Variants in ME1 observed in about 807,000 individuals in gnomAD.
The protein encoded by ME1 is malic enzyme 1.
A neutral mutation model predicts 66.4 loss-of-function variants in ME1; 74 were observed. That is an observed-to-expected ratio of 1.11 (90% CI 0.92 to 1.35). ME1 has a LOEUF of 1.35. ME1 is among the 40% of genes most tolerant of loss of function. The pLI, the probability that ME1 is intolerant of heterozygous loss-of-function variation, is 0.00. For synonymous variants in ME1, 251 were observed against 235.6 expected, an observed-to-expected ratio of 1.07 and a Z score of -0.60; for missense variants, 750 against 694.1, an observed-to-expected ratio of 1.08 and a Z score of -0.90.
intron 2 of ME1, among the ~76,000 whole-genome samples, chr6:83,400,085 A>G (rs956894137): frequency 6.6e-6 from 1 of 151,946 alleles, no homozygotes; most frequent in Admixed American, 6.6e-5. Context: ...TTTTCCTCCT[A>G]TCTCTCTGGT....
chr6:83,341,007 C>T (rs1768569571), intron 5 of ME1, among the ~76,000 whole-genome samples: 1 of 151,926 alleles, frequency 6.6e-6, no homozygotes, highest in Non-Finnish European at 1.5e-5. Context: ...AGCTTAGCGA[C>T]CATAACTGAG....
At chr6:83,225,426 G>C (rs541152165) in intron 11 of ME1, among the ~76,000 whole-genome samples, 2 of 152,042 alleles carry the variant, frequency 1.3e-5, no homozygotes, top group Non-Finnish European at 2.9e-5. Context: ...CCAAGGCATA[G>C]TTTAAACGAT....
In ME1 at chr6:83,239,549, C is replaced by T. The variant is rs539655823; in HGVS notation, c.902G>A (p.Gly301Glu). 6.2e-7 allele frequency: 1 copy of T among 1,611,518 alleles called. No individual in the cohort carries two copies. The highest frequency in any genetic ancestry group is 1.7e-5 in the Admixed American group (1 of 59,984). The change falls in exon 8 of 14, where the codon GGA becomes GAA. Residue 301 changes from glycine (G) to glutamate (E), a missense_variant. Gly to Glu is a moderately conservative substitution (Grantham distance 98, BLOSUM62 -2). Transcript: ENST00000369705. Reference protein sequence around the residue: ...KLSDQTILFQGAGEAALGIAH... With the variant: ...KLSDQTILFQEAGEAALGIAH... Reference sequence around the variant, plus strand: ...ACACAAGGCAAATACCTCTCCAGCTCCTTGGAATAGTATTGTTTGATCAGA... The same window carrying T: ...ACACAAGGCAAATACCTCTCCAGCTTCTTGGAATAGTATTGTTTGATCAGA...
At chr6:83,270,245 C>A (rs758157156) in intron 6 of ME1, among the ~76,000 whole-genome samples, 10 of 151,864 alleles carry the variant, frequency 6.6e-5, no homozygotes, top group Non-Finnish European at 1.0e-4. Context: ...CTTATCAGAC[C>A]ATATCTGCTT....
At chr6:83,414,110 T>TG (rs1770108352) in intron 1 of ME1, among the ~76,000 whole-genome samples, 2 of 87,588 alleles carry the variant, frequency 2.3e-5, no homozygotes, top group African/African-American at 1.2e-4. Flanking sequence ...GACCCCATCT[T>TG]GAAAAAAAAA....
At chr6:83,343,916 T>C (rs1393961069) in intron 5 of ME1, among the ~76,000 whole-genome samples, 1 of 152,146 alleles carries the variant, frequency 6.6e-6, no homozygotes, top group Non-Finnish European at 1.5e-5. Flanking sequence ...TATCTATCAA[T>C]GCAAGTGTCC....
intron 1 of ME1, among the ~76,000 whole-genome samples, chr6:83,422,573 T>C (rs1233810956): frequency 1.3e-5 from 2 of 152,198 alleles, no homozygotes; most frequent in East Asian, 3.8e-4. Context: ...AATCAGTTAT[T>C]ATAACCATGC....
intron 1 of ME1, among the ~76,000 whole-genome samples, chr6:83,411,620 G>T (rs1770050188): frequency 6.6e-6 from 1 of 152,100 alleles, no homozygotes; most frequent in Admixed American, 6.5e-5. Flanking sequence ...ATAGTTCAAA[G>T]AATTTTTACC....
intron 6 of ME1, among the ~76,000 whole-genome samples, chr6:83,264,047 T>C (rs1284754757): frequency 1.3e-5 from 2 of 152,166 alleles, no homozygotes; most frequent in African/African-American, 4.8e-5. Context: ...CTTCAAAGAA[T>C]AGGCTGACAC....
chr6:83,211,781 G>C lies in ME1; in HGVS notation c.*143C>G. On this transcript the variant is annotated 3_prime_UTR_variant, in exon 14 of 14. Coordinates refer to ENST00000369705, the MANE Select transcript of ME1 (RefSeq NM_002395.6). Reference sequence around the variant, plus strand: ...TGTGATGTTTATCCCAATTTATATCGATATTCTTCTATCAATTTTTAGACT... The same window carrying C: ...TGTGATGTTTATCCCAATTTATATCCATATTCTTCTATCAATTTTTAGACT... 1 of 528,548 alleles carries C rather than the reference G, an allele frequency of 1.9e-6. No homozygotes were observed. The highest frequency in any genetic ancestry group is 3.0e-6 in the Non-Finnish European group (1 of 330,522). The allele number at this position is 528,548 out of a possible 1,614,324, so 32.7% of individuals were successfully genotyped here.
chr6:83,265,287 GTTTTA>G (rs113880688), intron 6 of ME1, among the ~76,000 whole-genome samples: 8,952 of 152,000 alleles, frequency 0.059, 484 homozygotes, highest in African/African-American at 0.14. Context: ...ACACAAGTGA[GTTTTA>G]TTTTATTTTA....
intron 5 of ME1, among the ~76,000 whole-genome samples, chr6:83,331,096 C>G (rs1488569863): frequency 6.6e-6 from 1 of 152,160 alleles, no homozygotes; most frequent in East Asian, 1.9e-4. Context: ...ATCACATTCT[C>G]CTACTCATTC....
intron 11 of ME1, among the ~76,000 whole-genome samples, chr6:83,225,181 G>A (rs567543984): frequency 2.8e-5 from 4 of 145,402 alleles, no homozygotes; most frequent in Non-Finnish European, 6.0e-5. Flanking sequence ...ACTCCAGCCT[G>A]GGTGACAGAG....
At position 83,288,354 on chromosome 6, in the gene ME1, G is replaced by C. The variant is rs2084357267; in HGVS notation, c.704+26956C>G. On this transcript the variant is annotated intron_variant, in intron 6 of 13. Coordinates refer to ENST00000369705, the MANE Select transcript of ME1 (RefSeq NM_002395.6). ...GTATAAGGCGTAAGGAAGGGGTCCAGTTTCAGTTTTCTGCATATGGCTACC... is the reference window on the plus strand; with the variant it reads ...GTATAAGGCGTAAGGAAGGGGTCCACTTTCAGTTTTCTGCATATGGCTACC... Among the ~76,000 whole-genome samples, 4 of 152,142 alleles carry C rather than the reference G, an allele frequency of 2.6e-5. No homozygotes were observed. The South Asian group carries it at 8.3e-4, about 32-fold the overall frequency.
rs2230901 is a variant in ME1 at position 83,239,566 on chromosome 6, T to G, written c.885A>C (p.Gln295His). Reference sequence around the variant, plus strand: ...CTCCAGCTCCTTGGAATAGTATTGTTTGATCAGACAGTTTGTTCTTGGTTA... The same window carrying G: ...CTCCAGCTCCTTGGAATAGTATTGTGTGATCAGACAGTTTGTTCTTGGTTA... Reference protein sequence around the residue: ...LRITKNKLSDQTILFQGAGEA... With the variant: ...LRITKNKLSDHTILFQGAGEA... The change falls in exon 8 of 14, where the codon CAA becomes CAC. Residue 295 changes from glutamine to histidine, a missense_variant. Physicochemically the swap from Gln to His is conservative, Grantham distance 24 (BLOSUM62 0). Transcript: ENST00000369705. 365 of 1,613,210 alleles carry G rather than the reference T, an allele frequency of 2.3e-4. 1 individual carries two copies. In the African/African-American group the frequency reaches 4.0e-3, roughly 18 times the overall value.
intron 5 of ME1, among the ~76,000 whole-genome samples, chr6:83,334,205 G>A (rs926254648): frequency 4.0e-5 from 6 of 150,154 alleles, no homozygotes; most frequent in East Asian, 3.9e-4. Flanking sequence ...AAGGGGTGAC[G>A]GACGCACCTG....
intron 3 of ME1, among the ~76,000 whole-genome samples, chr6:83,376,353 G>A (rs910622168): frequency 3.3e-5 from 5 of 152,058 alleles, no homozygotes; most frequent in Non-Finnish European, 5.9e-5. Context: ...AAATTAGCTA[G>A]GTGTGGTGGC....
intron 11 of ME1, among the ~76,000 whole-genome samples, chr6:83,224,254 T>A (rs1424727173): frequency 1.3e-5 from 2 of 152,176 alleles, no homozygotes; most frequent in Non-Finnish European, 2.9e-5. Flanking sequence ...AGGCTTCCAA[T>A]TATAGACATC....
chr6:83,271,907 G>A (rs926147635), intron 6 of ME1, among the ~76,000 whole-genome samples: 13 of 151,750 alleles, frequency 8.6e-5, no homozygotes. Flanking sequence ...ATATTTATGG[G>A]GTACATGAGA....
Sources: allele counts gnomAD v4.1 joint callset (sites outside exome capture counted in the v4.1 genomes callset), GRCh38; gene constraint gnomAD v4.1.1; transcripts MANE v1.5; gene names NCBI Gene and HGNC (gene_info 2026-07-23, HGNC 2026-07-21).